ARAP2: variants seen among roughly 807,000 people sequenced by gnomAD.
ARAP2 encodes arf-GAP with Rho-GAP domain, ANK repeat and PH domain-containing protein 2.
ARAP2 carries 148 observed loss-of-function variants against 194.5 expected under a neutral mutation model. The ratio of observed to expected loss-of-function variants is 0.76; its 90% CI spans 0.67 to 0.87. ARAP2 has a LOEUF of 0.87. Ranked by LOEUF, ARAP2 falls within the 40% of genes least tolerant of loss-of-function variation. ARAP2 has a pLI of 0.00. For missense variants in ARAP2, 2,128 were observed against 1,989.7 expected (o/e 1.07, Z -1.32); for synonymous variants, 695 against 683.5 (o/e 1.02, Z -0.26).
intron 2 of ARAP2, among the ~76,000 whole-genome samples, chr4:36,215,029 A>AC (rs1182109826): frequency 1.3e-5 from 2 of 152,202 alleles, no homozygotes; most frequent in African/African-American, 2.4e-5. Context: ...TTAGAATACA[A>AC]CATGATAACA....
At chr4:36,088,836 A>G (rs1712673229) in intron 28 of ARAP2, among the ~76,000 whole-genome samples, 1 of 152,158 alleles carries the variant, frequency 6.6e-6, no homozygotes, top group Non-Finnish European at 1.5e-5. Flanking sequence ...ACATATTAAC[A>G]GATGTTAAAG....
chr4:36,064,841 T>A (rs182119285), downstream of ARAP2, among the ~76,000 whole-genome samples: 4 of 152,060 alleles, frequency 2.6e-5, no homozygotes, highest in Non-Finnish European at 5.9e-5. Flanking sequence ...GAAGCCACCA[T>A]AAAGGAGAGA....
chr4:36,042,561 T>A (rs1322277060), intron 5 of ARAP2, among the ~76,000 whole-genome samples: 1 of 152,222 alleles, frequency 6.6e-6, no homozygotes, highest in Non-Finnish European at 1.5e-5. Flanking sequence ...TTAAGATCAT[T>A]CTTGACTGTA....
At chr4:36,102,212 C>T (rs1717138707) in intron 27 of ARAP2, among the ~76,000 whole-genome samples, 1 of 152,002 alleles carries the variant, frequency 6.6e-6, no homozygotes, top group African/African-American at 2.4e-5. Context: ...ACTCTTAAAG[C>T]TCAGCACGTC....
intron 26 of ARAP2, among the ~76,000 whole-genome samples, chr4:36,109,374 C>G (rs1054888022): frequency 2.6e-5 from 4 of 151,834 alleles, no homozygotes; most frequent in African/African-American, 9.7e-5. Context: ...CTATTCACAG[C>G]ATAGTATTGA....
intron 15 of ARAP2, among the ~76,000 whole-genome samples, chr4:36,152,860 C>T (rs1731333237): frequency 6.6e-6 from 1 of 152,204 alleles, no homozygotes; most frequent in Admixed American, 6.5e-5. Flanking sequence ...AATCAGATTA[C>T]ACGTGAAGTT....
chr4:36,074,564 C>A (rs1727803043), intron 31 of ARAP2, among the ~76,000 whole-genome samples: 2 of 151,964 alleles, frequency 1.3e-5, no homozygotes, highest in South Asian at 2.1e-4. Context: ...TTTTGTACTC[C>A]CCAGGGTAGA....
At chr4:36,109,089 C>G (rs1180995637) in intron 26 of ARAP2, among the ~76,000 whole-genome samples, 1 of 151,918 alleles carries the variant, frequency 6.6e-6, no homozygotes, top group African/African-American at 2.4e-5. Context: ...TATATCACAT[C>G]CTCCCTAATA....
chr4:36,210,097 C>T (rs1473711509), intron 6 of ARAP2, among the ~76,000 whole-genome samples: 1 of 152,110 alleles, frequency 6.6e-6, no homozygotes, highest in African/African-American at 2.4e-5. Flanking sequence ...CACAGATTAG[C>T]ACATTTTGAT....
chr4:36,116,810 T>C (rs1721457170), intron 25 of ARAP2, among the ~76,000 whole-genome samples: 1 of 151,686 alleles, frequency 6.6e-6, no homozygotes, highest in Non-Finnish European at 1.5e-5. Context: ...GGAACAAGTA[T>C]TTAAGCTTGG....
At position 36,158,603 on chromosome 4, in the gene ARAP2, T is replaced by C; in HGVS notation, c.2752+127A>G. 3.8e-6 allele frequency: 3 copies of C among 798,390 alleles called. No individual in the cohort carries two copies. The South Asian group carries it at 5.7e-5, about 15-fold the overall frequency. 49.5% of individuals were successfully genotyped at this position (798,390 alleles called of 1,614,324 possible). A position where few individuals can be genotyped will look rare whatever the true frequency, so the allele number is the denominator to read the frequency against. ...ATTTGCACCTAGAAGCATTTATAAATCCTCAAAAATATCTCTACTTGGAGA... is the reference window on the plus strand; with the variant it reads ...ATTTGCACCTAGAAGCATTTATAAACCCTCAAAAATATCTCTACTTGGAGA... On this transcript the variant is annotated intron_variant, in intron 15 of 32. Transcript: ENST00000303965.
chr4:36,209,228 A>T (rs1746217702), intron 6 of ARAP2: 1 of 199,798 alleles, frequency 5.0e-6, no homozygotes, highest in Non-Finnish European at 1.0e-5. Flanking sequence ...TCACTGATTC[A>T]TTCCACTAGT....
chr4:36,020,992 A>C (rs943505025), intron 5 of ARAP2, among the ~76,000 whole-genome samples: 10 of 152,218 alleles, frequency 6.6e-5, no homozygotes, highest in Non-Finnish European at 1.5e-4. Context: ...ATGTTTAAAA[A>C]ACTGGGTGAA....
intron 2 of ARAP2, among the ~76,000 whole-genome samples, chr4:36,224,198 T>A (rs184702008): frequency 4.1e-4 from 61 of 149,358 alleles, no homozygotes; most frequent in South Asian, 1.1e-3. Context: ...ATGTGGATCA[T>A]CATTTCACAA....
chr4:36,234,537 GATAGTGTA>G (rs1050552272), intron 1 of ARAP2, among the ~76,000 whole-genome samples: 4 of 152,170 alleles, frequency 2.6e-5, no homozygotes, highest in Non-Finnish European at 5.9e-5. Context: ...CTGTTCCATA[GATAGTGTA>G]ATATAAATGC....
intron 8 of ARAP2, among the ~76,000 whole-genome samples, chr4:36,014,798 C>T (rs139859975): frequency 6.6e-6 from 1 of 152,156 alleles, no homozygotes; most frequent in Non-Finnish European, 1.5e-5. Flanking sequence ...TACATCAGGT[C>T]ATGTGCATGG....
chr4:36,020,980 C>T (rs73121796), intron 5 of ARAP2, among the ~76,000 whole-genome samples: 1,819 of 152,036 alleles, frequency 0.012, 32 homozygotes, highest in African/African-American at 0.034. Flanking sequence ...GGAGAGTTTC[C>T]GATGTTTAAA....
chr4:36,132,851 T>A (rs1725757834), intron 20 of ARAP2, among the ~76,000 whole-genome samples: 1 of 151,864 alleles, frequency 6.6e-6, no homozygotes, highest in Non-Finnish European at 1.5e-5. Context: ...CATGCTTAGA[T>A]GTGTTGTGTC....
chr4:36,036,340 C>T (rs189959967), intron 5 of ARAP2, among the ~76,000 whole-genome samples: 12 of 152,136 alleles, frequency 7.9e-5, no homozygotes, highest in Admixed American at 7.9e-4. Context: ...ATTAACTTGG[C>T]TCAATAACAT....
Sources: allele counts gnomAD v4.1 joint callset (sites outside exome capture counted in the v4.1 genomes callset), GRCh38; gene constraint gnomAD v4.1.1; transcripts MANE v1.5; gene names NCBI Gene and HGNC (gene_info 2026-07-23, HGNC 2026-07-21).